The following AP1M2 variants were observed in gnomAD, a reference collection of about 807,000 sequenced individuals.
The protein encoded by AP1M2 is adaptor related protein complex 1 subunit mu 2.
AP1M2 carries 41 observed loss-of-function variants against 54.6 expected under a neutral mutation model. The ratio of observed to expected loss-of-function variants is 0.75; its 90% CI spans 0.59 to 0.97. The LOEUF (loss-of-function observed/expected upper bound fraction) is 0.97. AP1M2 is among the 50% of genes least tolerant of loss of function. The probability of loss-of-function intolerance (pLI) is 0.00; values close to 1 mark genes in which losing one functional copy is unlikely to be tolerated. For missense variants in AP1M2, 507 were observed against 561.2 expected, an observed-to-expected ratio of 0.90 and a Z score of 0.98; for synonymous variants, 219 against 215.9, an observed-to-expected ratio of 1.01 and a Z score of -0.13.
intron 9 of AP1M2, among the ~76,000 whole-genome samples, chr19:10,576,374 T>C (rs1235019515): frequency 6.7e-6 from 1 of 149,998 alleles, no homozygotes; most frequent in Non-Finnish European, 1.5e-5. Flanking sequence ...GCCATTCTCC[T>C]GCCTCAGCCT....
intron 9 of AP1M2, among the ~76,000 whole-genome samples, chr19:10,576,088 T>C (rs1172330995): frequency 1.6e-5 from 2 of 124,060 alleles, no homozygotes; most frequent in Non-Finnish European, 3.2e-5. Flanking sequence ...ATTTCTTTTT[T>C]CTAAGTTTTT....
chr19:10,574,541 C>G (rs2144752999), intron 10 of AP1M2, 49 bp from the exon 11 acceptor site: 1 of 1,469,242 alleles, frequency 6.8e-7, no homozygotes. Context: ...AGGGAGGAGG[C>G]CAGGGCCAGG....
At chr19:10,585,331 G>GAAAGAAAGAA (rs1568434882) in intron 1 of AP1M2, among the ~76,000 whole-genome samples, 2 of 151,136 alleles carry the variant, frequency 1.3e-5, no homozygotes, top group South Asian at 4.2e-4. Flanking sequence ...AAGAAAGAAA[G>GAAAGAAAGAA]AAAGAAAGAA....
intron 1 of AP1M2, 45 bp downstream of exon 1, chr19:10,587,145 G>A (rs761994395): frequency 1.9e-6 from 3 of 1,547,240 alleles, no homozygotes; most frequent in Non-Finnish European, 2.6e-6. Flanking sequence ...CCCTGGGAGC[G>A]AGACCTCACC....
At position 10,583,995 on chromosome 19, in the gene AP1M2, G is replaced by A. The variant is rs200200048; in HGVS notation, c.118C>T (p.Arg40Trp). 294 of 1,607,774 alleles carry A rather than the reference G, an allele frequency of 1.8e-4. 2 individuals are homozygous for A. Among genetic ancestry groups the A allele is most frequent in the Admixed American group, 2.7e-4 (16 of 58,916 alleles). Residue 40 changes from arginine (R) to tryptophan (W), a missense_variant, in exon 2 of 12, where the codon CGG becomes TGG. Physicochemically the swap from Arg to Trp is moderately radical, Grantham distance 101 (BLOSUM62 -3). Coordinates refer to ENST00000250244, the MANE Select transcript of AP1M2 (RefSeq NM_005498.5). ...GGGGCCAGGGCGCCTTCCTCCTCCC[G>A]CTGTACCAGCAAAGGCATGAAGTGC... ...IEHFMPLLVQ[R>W]EEEGALAPLL...
rs1287282878 is a variant in AP1M2 at position 10,583,065 on chromosome 19, A to G, written c.267+541T>C. Reference sequence around the variant, plus strand: ...GGTCTCGAACTCCTGGCCTCAAGCAATCCGCCCACCTTAGCCTCCCAAAGT... The same window carrying G: ...GGTCTCGAACTCCTGGCCTCAAGCAGTCCGCCCACCTTAGCCTCCCAAAGT... On this transcript the variant is annotated intron_variant, in intron 3 of 11. Coordinates refer to ENST00000250244, the MANE Select transcript of AP1M2 (RefSeq NM_005498.5). Among the ~76,000 whole-genome samples, 12 of 151,920 alleles carry G rather than the reference A, an allele frequency of 7.9e-5. No individual in the cohort carries two copies. The East Asian group carries it at 1.4e-3, about 17-fold the overall frequency.
At chr19:10,582,852 G>T (rs1318861511) in intron 3 of AP1M2, among the ~76,000 whole-genome samples, 1 of 145,358 alleles carries the variant, frequency 6.9e-6, no homozygotes, top group Non-Finnish European at 1.5e-5. Context: ...TTGAGACTAA[G>T]TCTCACAGTG....
intron 6 of AP1M2, among the ~76,000 whole-genome samples, chr19:10,580,644 G>T (rs552207923): frequency 6.6e-6 from 1 of 151,296 alleles, no homozygotes; most frequent in Non-Finnish European, 1.5e-5. Flanking sequence ...GCCGGGTGAC[G>T]GAGCGAGACT....
intron 11 of AP1M2, among the ~76,000 whole-genome samples, chr19:10,573,764 C>T (rs1345505653): frequency 2.0e-5 from 3 of 148,612 alleles, no homozygotes; most frequent in Non-Finnish European, 4.4e-5. Flanking sequence ...TGGGCTCAGG[C>T]GATCCTCCCA....
In AP1M2 at chr19:10,579,703, G is replaced by T; in HGVS notation, c.816+13C>A. On this transcript the variant is annotated intron_variant, in intron 7 of 11. Transcript: ENST00000250244. Reference sequence around the variant, plus strand: ...AACCTACTCCACCCAGATGGGGCTGGACCCTGCCTCACCTGGGTGCTGAGG... The same window carrying T: ...AACCTACTCCACCCAGATGGGGCTGTACCCTGCCTCACCTGGGTGCTGAGG... 6.2e-7 allele frequency: 1 copy of T among 1,610,630 alleles called. No individual in the cohort carries two copies. The highest frequency in any genetic ancestry group is 1.3e-5 in the African/African-American group (1 of 74,942).
At position 10,584,059 on chromosome 19, in the gene AP1M2, G is replaced by A; in HGVS notation, c.54C>T (p.Ser18=). The A allele has an allele frequency of 6.2e-7, 1 of 1,610,138 alleles. No homozygotes were observed. The highest frequency in any genetic ancestry group is 8.5e-7 in the Non-Finnish European group (1 of 1,178,424). Residue 18 remains serine (S), a synonymous_variant, in exon 2 of 12, where the codon AGC becomes AGT. Coordinates refer to ENST00000250244, the MANE Select transcript of AP1M2 (RefSeq NM_005498.5). ...TGGCCACATCGCCCTTGTAGTTGCG[G>A]CTGATCAATGGCTGAGGGTGGAAGG... The part of the protein sequence containing the change: ...ILDVKGKPLI[S]RNYKGDVAMS...
At chr19:10,573,676 T>C (rs1917131292) in intron 11 of AP1M2, among the ~76,000 whole-genome samples, 1 of 148,050 alleles carries the variant, frequency 6.8e-6, no homozygotes, top group South Asian at 2.2e-4. Flanking sequence ...TTTTTTTTTT[T>C]TTTTTGAGCC....
At chr19:10,576,093 GT>G (rs35332266) in intron 9 of AP1M2, among the ~76,000 whole-genome samples, 2,173 of 135,130 alleles carry the variant, frequency 0.016, 48 homozygotes, top group African/African-American at 0.056. Context: ...TTTTTTCTAA[GT>G]TTTTTTTTTT....
chr19:10,579,504 C>A (rs1917364969), intron 7 of AP1M2, among the ~76,000 whole-genome samples: 1 of 148,666 alleles, frequency 6.7e-6, no homozygotes, highest in Non-Finnish European at 1.5e-5. Flanking sequence ...ACAGCATGTG[C>A]CACCATGCCC....
In AP1M2 at chr19:10,581,467, G is replaced by A. The variant is rs545503924; in HGVS notation, c.546+20C>T. 1.8e-5 allele frequency: 29 copies of A among 1,612,470 alleles called. No homozygotes were observed. Among genetic ancestry groups the A allele is most frequent in the African/African-American group, 5.3e-5 (4 of 75,020 alleles). Reference sequence around the variant, plus strand: ...GCAGCCAGGCCGTGGAAGGGGTGCCGGGGAGGTGTGCAGGCTCACCAGCAG... The same window carrying A: ...GCAGCCAGGCCGTGGAAGGGGTGCCAGGGAGGTGTGCAGGCTCACCAGCAG... On this transcript the variant is annotated intron_variant, in intron 5 of 11. Coordinates refer to ENST00000250244, the MANE Select transcript of AP1M2 (RefSeq NM_005498.5).
At chr19:10,573,660 CTTT>C (rs35697396) in intron 11 of AP1M2, among the ~76,000 whole-genome samples, 287 of 109,434 alleles carry the variant, frequency 2.6e-3, no homozygotes, top group Non-Finnish European at 3.6e-3. Flanking sequence ...CTTTTTTTTC[CTTT>C]TTTTTTTTTT....
At position 10,577,295 on chromosome 19, in the gene AP1M2, G is replaced by A. The variant is rs1917270897; in HGVS notation, c.950C>T (p.Pro317Leu). 1 of 1,612,154 alleles carries A rather than the reference G, an allele frequency of 6.2e-7. No homozygotes were observed. The highest frequency in any genetic ancestry group is 8.5e-7 in the Non-Finnish European group (1 of 1,179,246). ...ANGVEISVPV[P>L]SDADSPRFKT... ...GAATCTGGGGGAGTCGGCATCGCTG[G>A]GTACAGGCACAGATATCTCCACACC... is the stretch of plus-strand genomic sequence containing the variant. Residue 317 changes from proline (P) to leucine (L), a missense_variant, in exon 9 of 12, where the codon CCC becomes CTC. Pro to Leu is a moderately conservative substitution (Grantham distance 98). Transcript: ENST00000250244.
intron 7 of AP1M2, 107 bp from the exon 8 acceptor site, chr19:10,579,070 G>A (rs1917345893): frequency 1.2e-6 from 1 of 844,206 alleles, no homozygotes; most frequent in Non-Finnish European, 1.8e-6. Context: ...CTTCGCCCAG[G>A]CTGAAGTGCC....
At position 10,581,505 on chromosome 19, in the gene AP1M2, T is replaced by C. The variant is rs1790612297; in HGVS notation, c.528A>G (p.Ile176Met). 1.2e-6 allele frequency: 2 copies of C among 1,613,952 alleles called. No homozygotes were observed. Among genetic ancestry groups the C allele is most frequent in the Non-Finnish European group, 1.7e-6 (2 of 1,179,880 alleles). The change falls in exon 5 of 12, where the codon ATA becomes ATG. Residue 176 changes from isoleucine (I) to methionine (M), a missense_variant. Physicochemically the swap from Ile to Met is conservative, Grantham distance 10. Transcript: ENST00000250244. ...YKKNEVFIDV[I>M]ESVNLLVNAN... ...GGCTCACCAGCAGGTTGACAGACTC[T>C]ATGACATCAATGAAGACCTCGTTCT...
Sources: gnomAD v4.1 joint callset for allele counts (sites outside exome capture counted in the v4.1 genomes callset) on GRCh38, gnomAD v4.1.1 for gene constraint, MANE v1.5 for transcripts, NCBI Gene and HGNC (gene_info 2026-07-23, HGNC 2026-07-21) for gene names.